Variants in ARAP2 observed in about 807,000 individuals in gnomAD.
The protein encoded by ARAP2 is ArfGAP with RhoGAP domain, ankyrin repeat and PH domain 2.
ARAP2 carries 148 observed loss-of-function variants against 194.5 expected under a neutral mutation model. The ratio of observed to expected loss-of-function variants is 0.76; its 90% CI spans 0.67 to 0.87. The LOEUF (loss-of-function observed/expected upper bound fraction) is 0.87, where lower values mean the gene tolerates loss of function less well. ARAP2 is among the 40% of genes least tolerant of loss of function. The pLI, the probability that ARAP2 is intolerant of heterozygous loss-of-function variation, is 0.00. For missense variants in ARAP2, 2,128 were observed against 1,989.7 expected (o/e 1.07, Z -1.32); for synonymous variants, 695 against 683.5 (o/e 1.02, Z -0.26).
intron 27 of ARAP2, among the ~76,000 whole-genome samples, chr4:36,098,834 A>G (rs1716048933): frequency 6.6e-6 from 1 of 152,186 alleles, no homozygotes; most frequent in Non-Finnish European, 1.5e-5. Context: ...AAGATGTAAT[A>G]TCACCCTTGA....
Position 36,166,943 on chromosome 4 carries a change from G to T in ARAP2, c.1962C>A (p.Tyr654Ter). 6.3e-7 allele frequency: 1 copy of T among 1,594,352 alleles called. No homozygotes were observed. The change falls in exon 10 of 33, where the codon TAC becomes TAA. Residue 654 changes from tyrosine (Y) to a stop codon, truncating the protein, a stop_gained. Coordinates refer to ENST00000303965, the MANE Select transcript of ARAP2 (RefSeq NM_015230.4). LOFTEE classifies it high-confidence loss of function. ...VKQSFEIITP[Y>*]RSFSFTAETE... ...TAAAAATAGCTTACCTGAAACTCCTGTAGGGAGTGATTATTTCAAAAGATT... is the reference window on the plus strand; with the variant it reads ...TAAAAATAGCTTACCTGAAACTCCTTTAGGGAGTGATTATTTCAAAAGATT...
chr4:36,098,742 C>T (rs774330700), intron 27 of ARAP2, among the ~76,000 whole-genome samples: 7 of 151,936 alleles, frequency 4.6e-5, no homozygotes, highest in Non-Finnish European at 1.0e-4. Context: ...AAATTTGATT[C>T]CTACTTCTGG....
At chr4:36,159,572 A>T (rs894815322) in intron 13 of ARAP2, 67 bp from the exon 14 acceptor site, 7 of 1,287,620 alleles carry the variant, frequency 5.4e-6, no homozygotes, top group Non-Finnish European at 7.2e-6. Context: ...AAAATGAGTG[A>T]AAGTCTGATA....
At chr4:36,109,586 C>A (rs1054560002) in intron 26 of ARAP2, among the ~76,000 whole-genome samples, 6 of 151,798 alleles carry the variant, frequency 4.0e-5, no homozygotes, top group African/African-American at 1.5e-4. Context: ...CATAACTGCC[C>A]ACAATTTTTC....
intron 7 of ARAP2, among the ~76,000 whole-genome samples, chr4:36,191,778 G>A (rs941660152): frequency 7.2e-5 from 11 of 152,078 alleles, no homozygotes; most frequent in South Asian, 6.2e-4. Flanking sequence ...ACAATGAAAC[G>A]ATCACAGGGC....
chr4:36,059,547 G>A (rs995996125), intron 1 of ARAP2, among the ~76,000 whole-genome samples: 4 of 152,194 alleles, frequency 2.6e-5, no homozygotes, highest in Non-Finnish European at 5.9e-5. Flanking sequence ...GTACATTCAA[G>A]TGGAAATGTA....
intron 28 of ARAP2, among the ~76,000 whole-genome samples, chr4:36,087,078 A>T (rs1330354856): frequency 3.9e-5 from 6 of 152,104 alleles, no homozygotes; most frequent in Non-Finnish European, 8.8e-5. Flanking sequence ...AAGCATGCAT[A>T]TATTAATGGC....
chr4:36,061,909 G>A (rs1225560760), downstream of ARAP2, among the ~76,000 whole-genome samples: 1 of 152,106 alleles, frequency 6.6e-6, no homozygotes, highest in Non-Finnish European at 1.5e-5. Flanking sequence ...CTTATGTTGA[G>A]CATCTTTTCA....
chr4:36,064,722 G>A (rs977767540), downstream of ARAP2, among the ~76,000 whole-genome samples: 11 of 152,174 alleles, frequency 7.2e-5, no homozygotes, highest in African/African-American at 2.7e-4. Flanking sequence ...CTGGAGTTCT[G>A]CAGGCTGAAG....
intron 1 of ARAP2, among the ~76,000 whole-genome samples, chr4:36,242,550 T>A (rs1433090696): frequency 6.6e-6 from 1 of 152,200 alleles, no homozygotes; most frequent in South Asian, 2.1e-4. Context: ...ATAGTTTCAA[T>A]GCGTTAAAGT....
At chr4:36,180,402 T>C (rs1738960504) in intron 8 of ARAP2, among the ~76,000 whole-genome samples, 1 of 152,222 alleles carries the variant, frequency 6.6e-6, no homozygotes. Flanking sequence ...AGTAGCTAAG[T>C]CAATGTCCAT....
At chr4:36,197,430 C>A (rs1283996988) in intron 6 of ARAP2, among the ~76,000 whole-genome samples, 2 of 152,166 alleles carry the variant, frequency 1.3e-5, no homozygotes, top group African/African-American at 2.4e-5. Context: ...TTTATTTTTG[C>A]AAATATTAAA....
At chr4:36,040,245 A>T (rs1429916397) in intron 5 of ARAP2, among the ~76,000 whole-genome samples, 1 of 152,142 alleles carries the variant, frequency 6.6e-6, no homozygotes, top group Non-Finnish European at 1.5e-5. Context: ...TGGGCAAGAG[A>T]GTGGGATGAG....
chr4:36,021,131 G>C (rs1716864492), intron 5 of ARAP2, among the ~76,000 whole-genome samples: 1 of 152,134 alleles, frequency 6.6e-6, no homozygotes, highest in Admixed American at 6.5e-5. Context: ...TCGGAAAGGA[G>C]ATAAATGTAC....
At chr4:36,184,593 T>C (rs1740076445) in intron 8 of ARAP2, among the ~76,000 whole-genome samples, 1 of 152,232 alleles carries the variant, frequency 6.6e-6, no homozygotes, top group Non-Finnish European at 1.5e-5. Context: ...CATGTGTGGA[T>C]TGGTACACTC....
chr4:36,095,611 T>G (rs1302741060), intron 27 of ARAP2, among the ~76,000 whole-genome samples: 5 of 152,180 alleles, frequency 3.3e-5, no homozygotes, highest in African/African-American at 1.2e-4. Context: ...AGCAATTGTA[T>G]TTCATGGGCA....
chr4:36,024,593 A>G (rs1717579325), intron 5 of ARAP2, among the ~76,000 whole-genome samples: 1 of 152,156 alleles, frequency 6.6e-6, no homozygotes, highest in African/African-American at 2.4e-5. Context: ...TTGTACTAGC[A>G]CCAAATTCAT....
rs146077825 is a variant in ARAP2 at position 36,150,951 on chromosome 4, T to C, written c.2846A>G (p.Asn949Ser). ...GTGTATAGCCAGGCAGATAACTTCA[T>C]TGATATTAATGGTGCCATTAGGTGT... Reference protein sequence around the residue: ...STTPNGTININEVICLAIHKE... With the variant: ...STTPNGTINISEVICLAIHKE... Residue 949 changes from asparagine (N) to serine (S), a missense_variant, in exon 16 of 33, where the codon AAT becomes AGT. Physicochemically the swap from Asn to Ser is conservative, Grantham distance 46. Transcript: ENST00000303965. 15 of 1,613,362 alleles carry C rather than the reference T, an allele frequency of 9.3e-6. No homozygotes were observed. The highest frequency in any genetic ancestry group is 1.2e-5 in the Non-Finnish European group (14 of 1,179,628).
At chr4:36,185,067 T>TA (rs1420162922) in intron 8 of ARAP2, among the ~76,000 whole-genome samples, 2 of 152,298 alleles carry the variant, frequency 1.3e-5, no homozygotes, top group African/African-American at 4.8e-5. Flanking sequence ...TTTTAGGCTT[T>TA]ACCGGCCACA....
Sources: gnomAD v4.1 joint callset for allele counts (sites outside exome capture counted in the v4.1 genomes callset) on GRCh38, gnomAD v4.1.1 for gene constraint, MANE v1.5 for transcripts, NCBI Gene and HGNC (gene_info 2026-07-23, HGNC 2026-07-21) for gene names.